The following CPQ variants were observed in gnomAD, a reference collection of about 807,000 sequenced individuals.
CPQ encodes the protein Ser-Met dipeptidase.
Under a neutral mutation model 45.7 loss-of-function variants are expected in CPQ, and 37 were observed. That is an observed-to-expected ratio of 0.81 (90% CI 0.62 to 1.07). CPQ has a LOEUF of 1.07. Among genes scored for constraint, CPQ ranks in the 50% least tolerant of loss-of-function variants. CPQ has a pLI of 0.00. For synonymous variants in CPQ, 186 were observed against 205.8 expected, an observed-to-expected ratio of 0.90 and a Z score of 0.82; for missense variants, 537 against 572.9, an observed-to-expected ratio of 0.94 and a Z score of 0.64.
intron 7 of CPQ, among the ~76,000 whole-genome samples, chr8:97,113,512 T>C (rs1811533582): frequency 6.6e-6 from 1 of 152,218 alleles, no homozygotes; most frequent in Non-Finnish European, 1.5e-5. Flanking sequence ...AATTATATGA[T>C]AGTGGACTGA....
At chr8:97,077,715 T>C (rs1384848275) in intron 7 of CPQ, among the ~76,000 whole-genome samples, 1 of 152,192 alleles carries the variant, frequency 6.6e-6, no homozygotes, top group East Asian at 1.9e-4. Flanking sequence ...TGGTTCATTG[T>C]AGAATTTTTT....
At chr8:96,982,987 G>A (rs574772568) in intron 5 of CPQ, among the ~76,000 whole-genome samples, 9 of 152,070 alleles carry the variant, frequency 5.9e-5, no homozygotes, top group African/African-American at 1.9e-4. Flanking sequence ...AAATGTTAAC[G>A]AATCTGGATA....
At chr8:97,039,397 C>T (rs966825420) in intron 6 of CPQ, among the ~76,000 whole-genome samples, 12 of 151,886 alleles carry the variant, frequency 7.9e-5, no homozygotes, top group Admixed American at 7.9e-4. Context: ...GGTTTGCTTA[C>T]ACTATTTCTT....
chr8:96,759,059 A>C (rs1340078602), intron 1 of CPQ, among the ~76,000 whole-genome samples: 2 of 152,186 alleles, frequency 1.3e-5, no homozygotes, highest in Non-Finnish European at 2.9e-5. Flanking sequence ...CTTGGAACTC[A>C]GACGTCTTCT....
chr8:96,675,343 T>C (rs2130723951), intron 1 of CPQ, among the ~76,000 whole-genome samples: 1 of 152,196 alleles, frequency 6.6e-6, no homozygotes. Flanking sequence ...TCCTGACATT[T>C]CATTTTGGAG....
intron 4 of CPQ, among the ~76,000 whole-genome samples, chr8:96,887,593 ACT>A (rs34710274): frequency 0.51 from 77,906 of 151,668 alleles, 20,475 homozygotes; most frequent in African/African-American, 0.62. Flanking sequence ...CCTAAACTGG[ACT>A]CTCTCTCACC....
intron 5 of CPQ, among the ~76,000 whole-genome samples, chr8:97,016,518 G>T (rs1809582538): frequency 6.6e-6 from 1 of 152,136 alleles, no homozygotes; most frequent in Admixed American, 6.6e-5. Context: ...TCAAATGTCA[G>T]GTATTGGGCC....
chr8:97,046,300 A>G (rs1810255292), intron 6 of CPQ, among the ~76,000 whole-genome samples: 1 of 148,164 alleles, frequency 6.7e-6, no homozygotes. Context: ...TCTCTCGTGT[A>G]CTCTCATCAA....
At chr8:96,648,437 A>G (rs1815541433) in intron 1 of CPQ, among the ~76,000 whole-genome samples, 1 of 152,230 alleles carries the variant, frequency 6.6e-6, no homozygotes, top group African/African-American at 2.4e-5. Flanking sequence ...TGTGTTTGTT[A>G]CAGTCACATT....
intron 7 of CPQ, among the ~76,000 whole-genome samples, chr8:97,106,520 G>A (rs1257565893): frequency 6.6e-6 from 1 of 152,216 alleles, no homozygotes; most frequent in Admixed American, 6.5e-5. Flanking sequence ...TGCTCCTTGG[G>A]AGCCACTGGC....
chr8:96,946,485 A>T (rs1813190513), intron 4 of CPQ, among the ~76,000 whole-genome samples: 1 of 151,824 alleles, frequency 6.6e-6, no homozygotes, highest in Non-Finnish European at 1.5e-5. Flanking sequence ...GTTTTAGGGT[A>T]CATGTGCACA....
chr8:96,658,488 T>C (rs1432381550), intron 1 of CPQ, among the ~76,000 whole-genome samples: 20 of 152,070 alleles, frequency 1.3e-4, no homozygotes, highest in Non-Finnish European at 2.5e-4. Flanking sequence ...GAATACTGTC[T>C]TCCCTACCAC....
intron 1 of CPQ, among the ~76,000 whole-genome samples, chr8:96,720,373 C>CTA (rs113582421): frequency 0.024 from 3,645 of 152,170 alleles, 159 homozygotes; most frequent in African/African-American, 0.083. Context: ...TGCAGACACT[C>CTA]AAATCTGTTA....
intron 1 of CPQ, among the ~76,000 whole-genome samples, chr8:96,724,231 T>C (rs542888620): frequency 1.3e-5 from 2 of 152,246 alleles, no homozygotes; most frequent in South Asian, 4.1e-4. Flanking sequence ...TAAAATTCAG[T>C]ATTATACTGC....
chr8:96,838,474 G>A (rs1354265942), intron 3 of CPQ, among the ~76,000 whole-genome samples: 1 of 152,054 alleles, frequency 6.6e-6, no homozygotes. Context: ...TCTAGGCCTG[G>A]ATATGGCACA....
intron 7 of CPQ, among the ~76,000 whole-genome samples, chr8:97,072,764 C>A (rs529171961): frequency 6.6e-6 from 1 of 152,238 alleles, no homozygotes; most frequent in South Asian, 2.1e-4. Context: ...CTTCTCAAAC[C>A]TTCTGCAATC....
chr8:96,767,940 G>A (rs1023090809), intron 1 of CPQ, among the ~76,000 whole-genome samples: 1 of 151,862 alleles, frequency 6.6e-6, no homozygotes, highest in African/African-American at 2.4e-5. Flanking sequence ...CACCGTGCCC[G>A]GCCCCATGCT....
intron 1 of CPQ, among the ~76,000 whole-genome samples, chr8:96,751,542 C>G (rs188753129): frequency 6.6e-6 from 1 of 152,028 alleles, no homozygotes; most frequent in Non-Finnish European, 1.5e-5. Context: ...TATTAGACCT[C>G]TCTCAGATTA....
intron 1 of CPQ, among the ~76,000 whole-genome samples, chr8:96,735,315 G>A (rs545717110): frequency 3.7e-4 from 57 of 152,290 alleles, no homozygotes; most frequent in African/African-American, 1.3e-3. Flanking sequence ...ATCTGCGAAT[G>A]CATGTGCTCA....
Sources: gnomAD v4.1 joint callset for allele counts (sites outside exome capture counted in the v4.1 genomes callset) on GRCh38, gnomAD v4.1.1 for gene constraint, MANE v1.5 for transcripts, NCBI Gene and HGNC (gene_info 2026-07-23, HGNC 2026-07-21) for gene names.